The following CSMD1 variants were observed in gnomAD, a reference collection of about 807,000 sequenced individuals.
The protein encoded by CSMD1 is CUB and Sushi multiple domains 1.
Under a neutral mutation model 417.5 loss-of-function variants are expected in CSMD1, and 213 were observed. The ratio of observed to expected loss-of-function variants is 0.51; its 90% confidence interval spans 0.46 to 0.57. CSMD1 has a LOEUF of 0.57. CSMD1 is among the 20% of genes least tolerant of loss of function. CSMD1 has a pLI of 0.00. For synonymous variants in CSMD1, 2,862 were observed against 1,736.8 expected, an observed-to-expected ratio of 1.65 and a Z score of -16.11; for missense variants, 6,923 against 4,529.7, an observed-to-expected ratio of 1.53 and a Z score of -15.17.
At chr8:3,017,793 G>C (rs1304165180) in intron 52 of CSMD1, among the ~76,000 whole-genome samples, 1 of 134,390 alleles carries the variant, frequency 7.4e-6, no homozygotes, top group African/African-American at 2.9e-5. Flanking sequence ...AGTTTCTATG[G>C]CTTTGAGTGA....
intron 7 of CSMD1, among the ~76,000 whole-genome samples, chr8:3,673,058 A>G (rs1374980872): frequency 3.9e-5 from 6 of 152,212 alleles, no homozygotes; most frequent in Non-Finnish European, 5.9e-5. Flanking sequence ...ATTTAGCGGT[A>G]TGATTGATAT....
chr8:4,168,779 A>T (rs1030626806), intron 3 of CSMD1, among the ~76,000 whole-genome samples: 4 of 152,028 alleles, frequency 2.6e-5, no homozygotes, highest in South Asian at 4.2e-4. Context: ...CCTTACAATA[A>T]AACTCTCCTC....
chr8:4,460,796 A>C (rs1251711651), intron 2 of CSMD1, among the ~76,000 whole-genome samples: 3 of 152,190 alleles, frequency 2.0e-5, no homozygotes, highest in Non-Finnish European at 2.9e-5. Context: ...AATTATGCTA[A>C]AGAAAATTCC....
At chr8:4,426,339 A>G (rs943500095) in intron 2 of CSMD1, among the ~76,000 whole-genome samples, 1 of 150,856 alleles carries the variant, frequency 6.6e-6, no homozygotes, top group Non-Finnish European at 1.5e-5. Flanking sequence ...TGTAGTATAT[A>G]GCATATAATT....
intron 1 of CSMD1, among the ~76,000 whole-genome samples, chr8:4,723,151 G>C (rs943728299): frequency 6.6e-6 from 1 of 152,136 alleles, no homozygotes; most frequent in African/African-American, 2.4e-5. Context: ...GAGTGCATTA[G>C]TGGAAATGGA....
At chr8:4,750,251 C>G in intron 1 of CSMD1, among the ~76,000 whole-genome samples, 2 of 150,718 alleles carry the variant, frequency 1.3e-5, no homozygotes, top group Non-Finnish European at 2.9e-5. Context: ...TTGTGATCCG[C>G]CCGCCTCGGC....
chr8:4,613,629 G>A (rs1391352922), intron 2 of CSMD1, among the ~76,000 whole-genome samples: 1 of 152,140 alleles, frequency 6.6e-6, no homozygotes, highest in Non-Finnish European at 1.5e-5. Context: ...TGACTTGAGC[G>A]AGGTTTGCCT....
chr8:3,158,496 T>A (rs1377404426), intron 38 of CSMD1, among the ~76,000 whole-genome samples: 1 of 152,146 alleles, frequency 6.6e-6, no homozygotes, highest in African/African-American at 2.4e-5. Flanking sequence ...GACTTCACAT[T>A]CATTTTCTCA....
At chr8:2,953,719 T>C (rs624128) in intron 65 of CSMD1, among the ~76,000 whole-genome samples, 121,690 of 152,222 alleles carry the variant, frequency 0.8, 48,851 homozygotes, top group East Asian at 0.82. Flanking sequence ...TAGCAAAAGG[T>C]GCCACATACA....
At chr8:3,082,952 C>A (rs550143243) in intron 49 of CSMD1, among the ~76,000 whole-genome samples, 59 of 152,252 alleles carry the variant, frequency 3.9e-4, no homozygotes, top group African/African-American at 1.4e-3. Context: ...ATCATGAAAA[C>A]TTCTGTGCTG....
At chr8:4,369,122 TC>T (rs1433870873) in intron 3 of CSMD1, among the ~76,000 whole-genome samples, 2 of 152,142 alleles carry the variant, frequency 1.3e-5, no homozygotes, top group Non-Finnish European at 2.9e-5. Flanking sequence ...TTTAGCTGTT[TC>T]CCAGAGATTC....
intron 1 of CSMD1, among the ~76,000 whole-genome samples, chr8:4,833,847 G>C (rs1045144581): frequency 6.6e-6 from 1 of 152,152 alleles, no homozygotes; most frequent in Non-Finnish European, 1.5e-5. Context: ...TGGCTACGTT[G>C]GCTAGCTCTG....
chr8:3,963,978 A>G (rs1273511180), intron 5 of CSMD1, among the ~76,000 whole-genome samples: 1 of 152,234 alleles, frequency 6.6e-6, no homozygotes, highest in Admixed American at 6.5e-5. Context: ...GTATTAAGTC[A>G]AACAGAATGA....
At chr8:4,245,583 G>A (rs960871720) in intron 3 of CSMD1, among the ~76,000 whole-genome samples, 6 of 152,128 alleles carry the variant, frequency 3.9e-5, no homozygotes, top group African/African-American at 7.2e-5. Flanking sequence ...GTTCACAATC[G>A]ATCAGCTGGT....
intron 25 of CSMD1, among the ~76,000 whole-genome samples, chr8:3,301,945 T>G (rs1035466137): frequency 9.9e-5 from 15 of 152,196 alleles, no homozygotes; most frequent in Admixed American, 9.2e-4. Context: ...TGCACTTTTT[T>G]TTCAGTGTCT....
At chr8:4,800,848 T>C (rs1798246368) in intron 1 of CSMD1, among the ~76,000 whole-genome samples, 1 of 152,232 alleles carries the variant, frequency 6.6e-6, no homozygotes, top group Non-Finnish European at 1.5e-5. Flanking sequence ...GTCCAAGCCC[T>C]GAAACCTCAA....
At chr8:3,375,496 G>T (rs932885414) in intron 18 of CSMD1, among the ~76,000 whole-genome samples, 1 of 151,934 alleles carries the variant, frequency 6.6e-6, no homozygotes, top group Admixed American at 6.6e-5. Flanking sequence ...AATATTCATA[G>T]ACTCTCCATG....
intron 25 of CSMD1, among the ~76,000 whole-genome samples, chr8:3,302,214 G>T (rs1480674656): frequency 1.3e-5 from 2 of 152,152 alleles, no homozygotes; most frequent in Non-Finnish European, 2.9e-5. Context: ...GAGATGTCAG[G>T]GAAGTTTGGA....
At chr8:3,572,337 T>C (rs1457163516) in intron 10 of CSMD1, among the ~76,000 whole-genome samples, 2 of 152,114 alleles carry the variant, frequency 1.3e-5, no homozygotes, top group Non-Finnish European at 2.9e-5. Context: ...GGGCTGAGGC[T>C]CTGCCACTGT....
Sources: allele counts gnomAD v4.1 joint callset (sites outside exome capture counted in the v4.1 genomes callset), GRCh38; gene constraint gnomAD v4.1.1; transcripts MANE v1.5; gene names NCBI Gene and HGNC (gene_info 2026-07-23, HGNC 2026-07-21).